KCND3: variants seen among roughly 807,000 people sequenced by gnomAD.
The protein encoded by KCND3 is potassium voltage-gated channel subfamily D member 3.
Under a neutral mutation model 51.1 loss-of-function variants are expected in KCND3, and 9 were observed. The observed-to-expected ratio is 0.18, with a 90% confidence interval of 0.11 to 0.31. The LOEUF (loss-of-function observed/expected upper bound fraction) is 0.31. Ranked by LOEUF, KCND3 falls within the 10% of genes least tolerant of loss-of-function variation. KCND3 has a pLI of 1.00. For missense variants in KCND3, 526 were observed against 903.8 expected, an observed-to-expected ratio of 0.58 and a Z score of 5.36; for synonymous variants, 349 against 368.0, an observed-to-expected ratio of 0.95 and a Z score of 0.59.
chr1:111,973,109 T>C (rs1279628485), intron 2 of KCND3, among the ~76,000 whole-genome samples: 1 of 152,268 alleles, frequency 6.6e-6, no homozygotes, highest in East Asian at 1.9e-4. Context: ...GTTTAGTTTT[T>C]AAGCAGCTGA....
At chr1:111,815,344 G>A (rs980446338) in intron 2 of KCND3, among the ~76,000 whole-genome samples, 9 of 151,734 alleles carry the variant, frequency 5.9e-5, no homozygotes, top group Non-Finnish European at 1.2e-4. Context: ...CCCTTCATGT[G>A]ACAGAGTCTC....
chr1:111,831,204 C>G (rs531158438), intron 2 of KCND3, among the ~76,000 whole-genome samples: 1 of 152,268 alleles, frequency 6.6e-6, no homozygotes, highest in South Asian at 2.1e-4. Context: ...TCCTGAATGC[C>G]TTTACCTTTT....
At chr1:111,935,612 T>C (rs1305474237) in intron 2 of KCND3, among the ~76,000 whole-genome samples, 2 of 152,202 alleles carry the variant, frequency 1.3e-5, no homozygotes, top group African/African-American at 2.4e-5. Context: ...ATGATGGAGA[T>C]GGTGACAGCC....
At chr1:111,925,023 CT>C (rs2101846657) in intron 2 of KCND3, among the ~76,000 whole-genome samples, 1 of 152,328 alleles carries the variant, frequency 6.6e-6, no homozygotes, top group African/African-American at 2.4e-5. Context: ...GGGACTAGCA[CT>C]AAAAGTTTGG....
intron 2 of KCND3, among the ~76,000 whole-genome samples, chr1:111,865,451 C>G (rs1405235440): frequency 1.3e-5 from 2 of 152,190 alleles, no homozygotes; most frequent in African/African-American, 4.8e-5. Flanking sequence ...AGTGAGCCAG[C>G]ACTCATCACA....
rs547405801 is a variant in KCND3, at chr1:111,881,429, G to A, written c.1107-94323C>T. 1.2e-4 allele frequency among the ~76,000 whole-genome samples: 18 copies of A among 152,326 alleles called. No individual in the cohort carries two copies. The South Asian group carries it at 2.9e-3, about 25-fold the overall frequency. On this transcript the variant is annotated intron_variant, in intron 2 of 7. Coordinates refer to ENST00000302127, the MANE Select transcript of KCND3 (RefSeq NM_001378969.1). ...TGGGCACAAGTCCCAACAGCTGCCC[G>A]CACAGGGCTTTGCTCTCTCATCTGG...
In KCND3 at chr1:111,772,511, TCA is replaced by T. The variant is rs1404180816; in HGVS notation, c.*3564_*3565del. The T allele has an allele frequency of 6.6e-6, 1 of 152,224 alleles. No individual in the cohort carries two copies. Among genetic ancestry groups the T allele is most frequent in the African/African-American group, 2.4e-5 (1 of 41,456 alleles). 9.4% of individuals were successfully genotyped at this position (152,224 alleles called of 1,614,324 possible). On this transcript the variant is annotated 3_prime_UTR_variant, in exon 8 of 8. Coordinates refer to ENST00000302127, the MANE Select transcript of KCND3 (RefSeq NM_001378969.1). Reference sequence around the variant, plus strand: ...GATCTTCTCCAAAGCATCACTGCTCTCAGAGGCAGTGGGTGTGGTAGAAAATG... The same window carrying T: ...GATCTTCTCCAAAGCATCACTGCTCTGAGGCAGTGGGTGTGGTAGAAAATG...
intron 2 of KCND3, among the ~76,000 whole-genome samples, chr1:111,824,204 T>A: frequency 6.7e-6 from 1 of 148,572 alleles, no homozygotes; most frequent in South Asian, 2.1e-4. Context: ...TGAAGGAAAG[T>A]GGAGAAATAC....
At chr1:111,912,267 A>G (rs1670988389) in intron 2 of KCND3, among the ~76,000 whole-genome samples, 1 of 152,322 alleles carries the variant, frequency 6.6e-6, no homozygotes, top group African/African-American at 2.4e-5. Context: ...ATTATAAAAG[A>G]GATGAAAAAT....
At chr1:111,925,705 C>A (rs2101848006) in intron 2 of KCND3, among the ~76,000 whole-genome samples, 1 of 152,272 alleles carries the variant, frequency 6.6e-6, no homozygotes, top group East Asian at 1.9e-4. Flanking sequence ...TCTCTTGTCA[C>A]AAGTCCAGTG....
chr1:111,877,536 G>C (rs1669104931), intron 2 of KCND3, among the ~76,000 whole-genome samples: 1 of 152,216 alleles, frequency 6.6e-6, no homozygotes, highest in Non-Finnish European at 1.5e-5. Flanking sequence ...TGAGGCCAGG[G>C]AAGAGAGGAG....
intron 2 of KCND3, among the ~76,000 whole-genome samples, chr1:111,864,547 G>A (rs1668469784): frequency 6.6e-6 from 1 of 152,204 alleles, no homozygotes; most frequent in Admixed American, 6.5e-5. Context: ...AGCAAACAAA[G>A]GATGTCCTTG....
At chr1:111,949,264 G>A (rs1672938352) in intron 2 of KCND3, among the ~76,000 whole-genome samples, 1 of 152,248 alleles carries the variant, frequency 6.6e-6, no homozygotes, top group Non-Finnish European at 1.5e-5. Context: ...TTTGTAAAGT[G>A]GAGATAATAC....
chr1:111,790,465 A>G (rs554888062), intron 2 of KCND3, among the ~76,000 whole-genome samples: 4 of 152,112 alleles, frequency 2.6e-5, no homozygotes, highest in Non-Finnish European at 5.9e-5. Context: ...CATATTTCCC[A>G]TGCCCCAATG....
At chr1:111,832,741 G>A (rs867735928) in intron 2 of KCND3, among the ~76,000 whole-genome samples, 1 of 152,162 alleles carries the variant, frequency 6.6e-6, no homozygotes, top group Non-Finnish European at 1.5e-5. Flanking sequence ...CGAAGATAAC[G>A]AGGCTGAAGG....
At position 111,859,837 on chromosome 1, in the gene KCND3, C is replaced by T. The variant is rs905882931; in HGVS notation, c.1107-72731G>A. On this transcript the variant is annotated intron_variant, in intron 2 of 7. Coordinates refer to ENST00000302127, the MANE Select transcript of KCND3 (RefSeq NM_001378969.1). ...TTTACATGCATAAAGTCATTTATTC[C>T]TCACAATAGCCCAAGGAGGTGGGTA... Among the ~76,000 whole-genome samples, 7 of 152,338 alleles carry T rather than the reference C, an allele frequency of 4.6e-5. No homozygotes were observed. In the East Asian group the frequency reaches 7.7e-4, roughly 17 times the overall value.
intron 2 of KCND3, among the ~76,000 whole-genome samples, chr1:111,927,707 C>T (rs1276948539): frequency 6.6e-6 from 1 of 152,236 alleles, no homozygotes; most frequent in Non-Finnish European, 1.5e-5. Flanking sequence ...CCATGCTGGG[C>T]ACTGTGCTAG....
chr1:111,896,871 A>T lies in KCND3; in HGVS notation c.1106+84750T>A, dbSNP rs532362909. ...CTCTCTGTGCCTCAGTTCCACCATC[A>T]TAAGTACCTTCCCTATGGGTTGTTA... On this transcript the variant is annotated intron_variant, in intron 2 of 7. Coordinates refer to ENST00000302127, the MANE Select transcript of KCND3 (RefSeq NM_001378969.1). Among the ~76,000 whole-genome samples, 6 of 152,328 alleles carry T rather than the reference A, an allele frequency of 3.9e-5. No individual in the cohort carries two copies. In the East Asian group the frequency reaches 1.2e-3, roughly 29 times the overall value.
intron 2 of KCND3, among the ~76,000 whole-genome samples, chr1:111,792,511 GC>G (rs1208186436): frequency 6.6e-6 from 1 of 152,194 alleles, no homozygotes; most frequent in Non-Finnish European, 1.5e-5. Flanking sequence ...CGGGAGCTTA[GC>G]CCCTTCTCTC....
Sources: gnomAD v4.1 joint callset for allele counts (sites outside exome capture counted in the v4.1 genomes callset) on GRCh38, gnomAD v4.1.1 for gene constraint, MANE v1.5 for transcripts, NCBI Gene and HGNC (gene_info 2026-07-23, HGNC 2026-07-21) for gene names.